MMP26: variants seen among roughly 807,000 people sequenced by gnomAD.
The protein encoded by MMP26 is matrix metallopeptidase 26.
MMP26 carries 33 observed loss-of-function variants against 31.0 expected under a neutral mutation model. The observed-to-expected ratio is 1.06, with a 90% confidence interval of 0.81 to 1.42. The LOEUF is 1.42. Among genes scored for constraint, MMP26 ranks in the 40% most tolerant of loss-of-function variants. The pLI, the probability that MMP26 is intolerant of heterozygous loss-of-function variation, is 0.00. For missense variants in MMP26, 347 were observed against 316.1 expected, an observed-to-expected ratio of 1.10 and a Z score of -0.74; for synonymous variants, 122 against 114.9, an observed-to-expected ratio of 1.06 and a Z score of -0.40.
At chr11:4,803,362 C>A in intron 2 of MMP26, 1 of 1,048,016 alleles carries the variant, frequency 9.5e-7, no homozygotes, top group Non-Finnish European at 1.4e-6. Flanking sequence ...AAGTAATAGC[C>A]TGTCAAATGT....
intron 2 of MMP26, among the ~76,000 whole-genome samples, chr11:4,787,871 C>A (rs1848970125): frequency 6.6e-6 from 1 of 152,170 alleles, no homozygotes; most frequent in South Asian, 2.1e-4. Flanking sequence ...TAAGTACATG[C>A]TTTCTTTTAC....
At chr11:4,801,049 A>C (rs979872535) in intron 2 of MMP26, among the ~76,000 whole-genome samples, 5 of 152,094 alleles carry the variant, frequency 3.3e-5, no homozygotes, top group Admixed American at 3.3e-4. Context: ...GACTTAGTTC[A>C]TTTCTTCACT....
intron 2 of MMP26, among the ~76,000 whole-genome samples, chr11:4,872,965 C>G (rs1451993718): frequency 6.6e-6 from 1 of 152,100 alleles, no homozygotes; most frequent in East Asian, 1.9e-4. Context: ...TCCAGCTATA[C>G]AGTACACTCA....
At chr11:4,851,651 GTA>G (rs1849977245) in intron 2 of MMP26, among the ~76,000 whole-genome samples, 1 of 151,704 alleles carries the variant, frequency 6.6e-6, no homozygotes, top group African/African-American at 2.4e-5. Context: ...GTATATGTAT[GTA>G]TATATATTAT....
chr11:4,743,868 C>T (rs1467093966), intron 1 of MMP26, among the ~76,000 whole-genome samples: 2 of 152,216 alleles, frequency 1.3e-5, no homozygotes, highest in East Asian at 1.9e-4. Flanking sequence ...TGTATTGGCA[C>T]GATCATAGCT....
At chr11:4,973,463 G>A (rs1589822154) in intron 2 of MMP26, 1 of 152,500 alleles carries the variant, frequency 6.6e-6, no homozygotes, top group African/African-American at 2.4e-5. Context: ...AATGACTCTG[G>A]CACTGGTGAG....
chr11:4,822,128 G>A (rs1304742850), intron 2 of MMP26: 2 of 1,612,528 alleles, frequency 1.2e-6, no homozygotes, highest in Non-Finnish European at 1.7e-6. Flanking sequence ...TCAGAAGAGA[G>A]GCGGAAAGCC....
chr11:4,710,668 A>T (rs1847849643), intron 1 of MMP26: 9 of 342,488 alleles, frequency 2.6e-5, no homozygotes, highest in South Asian at 2.1e-4. Flanking sequence ...CACAGTTCTA[A>T]ATGGTGAGTT....
At chr11:4,983,238 C>G (rs961101401) in intron 2 of MMP26, among the ~76,000 whole-genome samples, 1 of 152,174 alleles carries the variant, frequency 6.6e-6, no homozygotes, top group East Asian at 1.9e-4. Context: ...CTCCTTGCAG[C>G]CTGCCCAGCC....
chr11:4,860,634 C>G (rs888039363), intron 2 of MMP26: 27 of 380,160 alleles, frequency 7.1e-5, no homozygotes, highest in Middle Eastern at 8.3e-4. Flanking sequence ...AATATATATT[C>G]TCATATGGAC....
chr11:4,755,262 G>A (rs1848492007), intron 1 of MMP26, among the ~76,000 whole-genome samples: 1 of 151,820 alleles, frequency 6.6e-6, no homozygotes, highest in South Asian at 2.1e-4. Flanking sequence ...AAGCAGCACT[G>A]ATACTAAAAC....
chr11:4,958,992 A>G (rs1846482203), intron 2 of MMP26, among the ~76,000 whole-genome samples: 1 of 151,996 alleles, frequency 6.6e-6, no homozygotes, highest in South Asian at 2.1e-4. Flanking sequence ...TAATCCCACC[A>G]CTTTGGGAGG....
intron 1 of MMP26, among the ~76,000 whole-genome samples, chr11:4,733,193 C>A (rs756929793): frequency 1.3e-5 from 2 of 152,156 alleles, no homozygotes; most frequent in African/African-American, 2.4e-5. Context: ...TGCAAAGAAG[C>A]AAGATTGAAT....
At chr11:4,789,474 A>G (rs1004599383) in intron 2 of MMP26, among the ~76,000 whole-genome samples, 6 of 143,382 alleles carry the variant, frequency 4.2e-5, no homozygotes, top group African/African-American at 1.6e-4. Flanking sequence ...ATGCTAGGTT[A>G]TCATGTATTT....
intron 2 of MMP26, chr11:4,803,956 G>A (rs903426846): frequency 9.3e-6 from 15 of 1,613,444 alleles, no homozygotes; most frequent in Admixed American, 8.3e-5. Context: ...GATCACGACC[G>A]ATGGGGTCAG....
chr11:4,803,609 C>G (rs1386961223), intron 2 of MMP26: 1 of 1,613,902 alleles, frequency 6.2e-7, no homozygotes, highest in Admixed American at 1.7e-5. Flanking sequence ...GAAAAAAGGG[C>G]TGGGATATAA....
intron 2 of MMP26, chr11:4,830,090 T>G (rs1350177990): frequency 6.6e-6 from 1 of 152,162 alleles, no homozygotes; most frequent in Non-Finnish European, 1.5e-5. Context: ...CTATTAATTC[T>G]CAGGAGGGTG....
At chr11:4,767,951 T>C (rs7942045) in intron 2 of MMP26, among the ~76,000 whole-genome samples, 20,392 of 152,208 alleles carry the variant, frequency 0.13, 1,615 homozygotes, top group African/African-American at 0.22. Context: ...CATAAGTTCG[T>C]TTTCAGAAAC....
chr11:4,964,290 T>C (rs1441181929), intron 2 of MMP26, among the ~76,000 whole-genome samples: 1 of 152,136 alleles, frequency 6.6e-6, no homozygotes, highest in African/African-American at 2.4e-5. Context: ...TTTTTATATA[T>C]GGTGTAAGGG....
Sources: gnomAD v4.1 joint callset for allele counts (sites outside exome capture counted in the v4.1 genomes callset) on GRCh38, gnomAD v4.1.1 for gene constraint, MANE v1.5 for transcripts, NCBI Gene and HGNC (gene_info 2026-07-23, HGNC 2026-07-21) for gene names.